PIRT: variants seen among roughly 807,000 people sequenced by gnomAD.
PIRT encodes phosphoinositide interacting regulator of transient receptor potential channels.
In PIRT, 6 loss-of-function variants were observed where a neutral mutation model predicts 7.9. That is an observed-to-expected ratio of 0.76 (90% confidence interval 0.42 to 1.51). The LOEUF is 1.51. Ranked by LOEUF, PIRT falls within the 40% of genes most tolerant of loss-of-function variation. The pLI is 0.01. For missense variants in PIRT, 170 were observed against 172.9 expected, an observed-to-expected ratio of 0.98 and a Z score of 0.09; for synonymous variants, 78 against 71.8, an observed-to-expected ratio of 1.09 and a Z score of -0.44.
chr17:10,831,722 G>C (rs1404957584), intron 1 of PIRT, among the ~76,000 whole-genome samples: 1 of 152,220 alleles, frequency 6.6e-6, no homozygotes, highest in East Asian at 1.9e-4. Context: ...TAAAAAATAA[G>C]TATACTCAGT....
intron 1 of PIRT, among the ~76,000 whole-genome samples, chr17:10,833,399 T>C (rs1905508695): frequency 6.6e-6 from 1 of 152,144 alleles, no homozygotes; most frequent in Non-Finnish European, 1.5e-5. Context: ...GCTCATTAGA[T>C]GACACCATGA....
At chr17:10,835,903 A>ATT (rs71139073) in intron 1 of PIRT, among the ~76,000 whole-genome samples, 36 of 140,616 alleles carry the variant, frequency 2.6e-4, no homozygotes, top group African/African-American at 6.6e-4. Context: ...CCAAATCCTG[A>ATT]TTTTTTTTTT....
chr17:10,834,447 T>G (rs8073328), intron 1 of PIRT, among the ~76,000 whole-genome samples: 24,382 of 152,090 alleles, frequency 0.16, 2,099 homozygotes, highest in Non-Finnish European at 0.2. Context: ...CTCAGAAAAT[T>G]GTTGTGGGGC....
Position 10,825,752 on chromosome 17 carries a change from G to A in PIRT, c.-107C>T, listed in dbSNP as rs185962288. 2.1e-5 allele frequency: 23 copies of A among 1,106,586 alleles called. No individual in the cohort carries two copies. The Middle Eastern group carries it at 9.9e-4, about 48-fold the overall frequency. 68.5% of individuals were successfully genotyped at this position (1,106,586 alleles called of 1,614,324 possible). On this transcript the variant is annotated 5_prime_UTR_variant, in exon 2 of 2. Transcript: ENST00000580256. ...GTACTCAGCATCCATCTCTAGCCCCGCTCTCAGTGGAGGGTGAACAAGGTT... is the reference window on the plus strand; with the variant it reads ...GTACTCAGCATCCATCTCTAGCCCCACTCTCAGTGGAGGGTGAACAAGGTT...
intron 1 of PIRT, among the ~76,000 whole-genome samples, chr17:10,832,931 C>T (rs1470866144): frequency 6.6e-6 from 1 of 152,124 alleles, no homozygotes; most frequent in Non-Finnish European, 1.5e-5. Flanking sequence ...GGCCCAGAAC[C>T]CCGGAGTGAT....
At position 10,830,003 on chromosome 17, in the gene PIRT, C is replaced by CTATCTATCTATT. The variant is rs1234922490; in HGVS notation, c.-138-4221_-138-4220insAATAGATAGATA. ...TCTATCTATCTATCTATCTATCTAT[C>CTATCTATCTATT]TATCTATCATCATCATCTATCTGCA... is the stretch of plus-strand genomic sequence containing the variant. On this transcript the variant is annotated intron_variant, in intron 1 of 1. Transcript: ENST00000580256. Among the ~76,000 whole-genome samples the CTATCTATCTATT allele has an allele frequency of 4.7e-4, 67 of 143,384 alleles. 1 individual carries two copies. Among genetic ancestry groups the CTATCTATCTATT allele is most frequent in the Admixed American group, 1.8e-3 (26 of 14,310 alleles). The allele number at this position is 143,384 out of a possible 152,430, so 94.1% of individuals were successfully genotyped here. A position where few individuals can be genotyped will look rare whatever the true frequency, so the allele number is the denominator to read the frequency against.
At chr17:10,833,875 T>G (rs1159539173) in intron 1 of PIRT, among the ~76,000 whole-genome samples, 1 of 152,146 alleles carries the variant, frequency 6.6e-6, no homozygotes, top group Non-Finnish European at 1.5e-5. Flanking sequence ...CAGGAAAAAG[T>G]GCTTGACATT....
rs555099664 is a variant in PIRT at position 10,823,501 on chromosome 17, G to A, written c.*1731C>T. ...CATATGGAACTGCCATGCAGGATGG[G>A]GATATCTGGAGGGCCATGGTGACTG... On this transcript the variant is annotated 3_prime_UTR_variant, in exon 2 of 2. Transcript: ENST00000580256. 8.5e-5 allele frequency: 13 copies of A among 152,412 alleles called. No individual in the cohort carries two copies. The highest frequency in any genetic ancestry group is 3.1e-4 in the African/African-American group (13 of 41,572). 9.4% of individuals were successfully genotyped at this position (152,412 alleles called of 1,614,324 possible).
In PIRT at chr17:10,822,716, C is replaced by T. The variant is rs1905232853; in HGVS notation, c.*2516G>A. The T allele has an allele frequency of 6.6e-6, 1 of 152,152 alleles. No homozygotes were observed. The highest frequency in any genetic ancestry group is 2.1e-4 in the South Asian group (1 of 4,822). The allele number at this position is 152,152 out of a possible 1,614,324, so 9.4% of individuals were successfully genotyped here. On this transcript the variant is annotated 3_prime_UTR_variant, in exon 2 of 2. Transcript: ENST00000580256. ...TCAGGTGCATCCGTACCTCAGCCTT[C>T]CATGGGGTAACAGGCATTGGCAAAA...
rs919420573 is a variant in PIRT at position 10,823,728 on chromosome 17, A to T, written c.*1504T>A. The T allele has an allele frequency of 3.9e-5, 6 of 152,164 alleles. No individual in the cohort carries two copies. The highest frequency in any genetic ancestry group is 9.7e-5 in the African/African-American group (4 of 41,418). 9.4% of individuals were successfully genotyped at this position (152,164 alleles called of 1,614,324 possible). On this transcript the variant is annotated 3_prime_UTR_variant, in exon 2 of 2. Transcript: ENST00000580256. ...GGTTGCCACAGGGAGTTACAGAAGC[A>T]CTTCTCAGGGACTCTTTGCTTGCCA... is the stretch of plus-strand genomic sequence containing the variant.
At chr17:10,833,611 G>C (rs1046418511) in intron 1 of PIRT, among the ~76,000 whole-genome samples, 1 of 152,082 alleles carries the variant, frequency 6.6e-6, no homozygotes, top group Non-Finnish European at 1.5e-5. Context: ...AAAATCAGCT[G>C]GGTGTGGTGG....
Position 10,825,490 on chromosome 17 carries a change from G to C in PIRT, c.156C>G (p.Tyr52Ter). ...TTTPRSNWEI[Y>*]RKPIVIMSVG... ...CTGACATGATAACGATGGGCTTGCG[G>C]TAGATTTCCCAGTTACTCCTGGGGG... Residue 52 changes from tyrosine to a stop codon, truncating the protein, a stop_gained, in exon 2 of 2, where the codon TAC becomes TAG. Transcript: ENST00000580256. LOFTEE classifies it high-confidence loss of function. The C allele has an allele frequency of 6.2e-7, 1 of 1,613,942 alleles. No individual in the cohort carries two copies. Among genetic ancestry groups the C allele is most frequent in the Non-Finnish European group, 8.5e-7 (1 of 1,179,872 alleles).
intron 1 of PIRT, among the ~76,000 whole-genome samples, chr17:10,835,592 G>T (rs1905568713): frequency 6.6e-6 from 1 of 152,222 alleles, no homozygotes. Context: ...CCCAAAGTGG[G>T]ACATAGTGAA....
chr17:10,828,027 G>A (rs1317827324), intron 1 of PIRT, among the ~76,000 whole-genome samples: 1 of 152,182 alleles, frequency 6.6e-6, no homozygotes, highest in Non-Finnish European at 1.5e-5. Flanking sequence ...AATTGAATGA[G>A]TAAGTAAATG....
rs1905585353 is a variant in PIRT, at chr17:10,836,127, T to C, written c.-139+1818A>G. Reference sequence around the variant, plus strand: ...CATGTTGGCCAGGCTGGCCTCGAACTCCTGACCTCAGGTGATCCACCTCCC... The same window carrying C: ...CATGTTGGCCAGGCTGGCCTCGAACCCCTGACCTCAGGTGATCCACCTCCC... On this transcript the variant is annotated intron_variant, in intron 1 of 1. Transcript: ENST00000580256. 2.6e-5 allele frequency among the ~76,000 whole-genome samples: 4 copies of C among 152,206 alleles called. No homozygotes were observed. In the South Asian group the frequency reaches 8.3e-4, roughly 32 times the overall value.
At position 10,825,625 on chromosome 17, in the gene PIRT, G is replaced by A; in HGVS notation, c.21C>T (p.Pro7=). The A allele has an allele frequency of 6.7e-7, 1 of 1,496,344 alleles. No individual in the cohort carries two copies. Among genetic ancestry groups the A allele is most frequent in the Non-Finnish European group, 8.9e-7 (1 of 1,120,150 alleles). 92.7% of individuals were successfully genotyped at this position (1,496,344 alleles called of 1,614,324 possible). MTMETL[P]KVLEVDEKSP... ...ACTTCTCATCGACCTCTAGAACCTT[G>A]GGGAGAGTCTCCATCGTCATGGTTG... Residue 7 remains proline, a synonymous_variant, in exon 2 of 2, where the codon CCC becomes CCT. Coordinates refer to ENST00000580256, the MANE Select transcript of PIRT (RefSeq NM_001101387.2).
intron 1 of PIRT, among the ~76,000 whole-genome samples, chr17:10,835,997 G>A (rs955384755): frequency 3.3e-5 from 5 of 151,710 alleles, no homozygotes; most frequent in African/African-American, 9.7e-5. Flanking sequence ...CCACCTCCCA[G>A]GTTCAAGCTA....
rs1225444900 is a variant in PIRT at position 10,825,232 on chromosome 17, T to C, written c.414A>G (p.Ter138TrpextTer64). The C allele has an allele frequency of 1.2e-6, 2 of 1,613,114 alleles. No individual in the cohort carries two copies. ...RSLKSFFLTR* is the reference protein window; with the variant it reads ...RSLKSFFLTRW Reference sequence around the variant, plus strand: ...TGGCAGGGAGATGCGGAAACCACCATCAGCGAGTCAGGAAGAAGGACTTGA... The same window carrying C: ...TGGCAGGGAGATGCGGAAACCACCACCAGCGAGTCAGGAAGAAGGACTTGA... The change falls in exon 2 of 2, where the codon TGA becomes TGG. Residue 138 changes from the stop codon to tryptophan, a stop_lost. Coordinates refer to ENST00000580256, the MANE Select transcript of PIRT (RefSeq NM_001101387.2).
intron 1 of PIRT, among the ~76,000 whole-genome samples, chr17:10,828,045 C>G (rs1370971028): frequency 6.6e-6 from 1 of 152,160 alleles, no homozygotes; most frequent in Non-Finnish European, 1.5e-5. Flanking sequence ...ATGAACAACT[C>G]TCTCTCCCTT....
Sources: gnomAD v4.1 joint callset for allele counts (sites outside exome capture counted in the v4.1 genomes callset) on GRCh38, gnomAD v4.1.1 for gene constraint, MANE v1.5 for transcripts, NCBI Gene and HGNC (gene_info 2026-07-23, HGNC 2026-07-21) for gene names.